The following STARD9 variants were observed in gnomAD, a reference collection of about 807,000 sequenced individuals.
STARD9 encodes the protein stAR-related lipid transfer protein 9.
A neutral mutation model predicts 399.8 loss-of-function variants in STARD9; 346 were observed. That is an observed-to-expected ratio of 0.87 (90% CI 0.79 to 0.95). STARD9 has a LOEUF of 0.95. STARD9 is among the 40% of genes least tolerant of loss of function. The pLI is 0.00. For missense variants in STARD9, 5,832 were observed against 5,667.5 expected, an observed-to-expected ratio of 1.03 and a Z score of -0.93; for synonymous variants, 2,203 against 2,143.5, an observed-to-expected ratio of 1.03 and a Z score of -0.77.
chr15:42,711,042 A>T (rs548964514), intron 26 of STARD9, among the ~76,000 whole-genome samples: 21 of 151,154 alleles, frequency 1.4e-4, no homozygotes, highest in African/African-American at 4.9e-4. Context: ...CTGTGGTGCA[A>T]TCACAGCTCA....
Position 42,717,089 on chromosome 15 carries a change from C to T in STARD9, c.13494+41C>T. The T allele has an allele frequency of 2.6e-6, 4 of 1,535,076 alleles. No individual in the cohort carries two copies. The South Asian group carries it at 4.8e-5, about 18-fold the overall frequency. On this transcript the variant is annotated intron_variant, in intron 28 of 32. Coordinates refer to ENST00000290607, the MANE Select transcript of STARD9 (RefSeq NM_020759.3). ...CACCCATCCCTACCATTCCTTTACC[C>T]AGACCTCTGCTGGGTGTGCAGGAAG...
intron 26 of STARD9, among the ~76,000 whole-genome samples, chr15:42,714,058 A>AT (rs35057586): frequency 0.024 from 2,806 of 119,118 alleles, 78 homozygotes; most frequent in South Asian, 0.034. Context: ...ATGCACTAAG[A>AT]TTTTTTTTTT....
At chr15:42,719,202 G>T (rs370834165) in intron 32 of STARD9, among the ~76,000 whole-genome samples, 1 of 152,220 alleles carries the variant, frequency 6.6e-6, no homozygotes, top group Admixed American at 6.5e-5. Context: ...ATGAGTCATT[G>T]TGAGGCAAAA....
chr15:42,692,318 C>A lies in STARD9; in HGVS notation c.10740C>A (p.Pro3580=), dbSNP rs1325842087. ...CGACGAGCCCTGAAGGAGTAGCCCC[C>A]ACTTCGGGTCATGACAGAAGGCCTC... is the stretch of plus-strand genomic sequence containing the variant. The part of the protein sequence containing the change: ...HIPTSPEGVA[P]TSGHDRRPQF... The change falls in exon 23 of 33, where the codon CCC becomes CCA. Residue 3580 remains proline (P), a synonymous_variant. Transcript: ENST00000290607. 3 of 1,537,062 alleles carry A rather than the reference C, an allele frequency of 2.0e-6. No homozygotes were observed. Among genetic ancestry groups the A allele is most frequent in the East Asian group, 4.9e-5 (2 of 40,920 alleles).
Position 42,685,054 on chromosome 15 carries a change from C to T in STARD9, c.3476C>T (p.Pro1159Leu). ...CTGGCTGAGAAGAGGTACCAAAGCCCCAAAAACAGGCTAGGGGGCAATCGT... is the reference window on the plus strand; with the variant it reads ...CTGGCTGAGAAGAGGTACCAAAGCCTCAAAAACAGGCTAGGGGGCAATCGT... ...DSLAEKRYQS[P>L]KNRLGGNRPT... The change falls in exon 23 of 33, where the codon CCC (proline) becomes CTC (leucine). Residue 1159 changes from proline to leucine, a missense_variant. This residue lies in a region of STARD9 where 5,828 missense variants were observed against 5,651.1 expected (regional missense o/e 1.03). Coordinates refer to ENST00000290607, the MANE Select transcript of STARD9 (RefSeq NM_020759.3). 2 of 1,537,144 alleles carry T rather than the reference C, an allele frequency of 1.3e-6. No homozygotes were observed. Among genetic ancestry groups the T allele is most frequent in the Non-Finnish European group, 1.7e-6 (2 of 1,146,934 alleles).
chr15:42,693,650 C>T lies in STARD9; in HGVS notation c.12072C>T (p.Ser4024=), dbSNP rs774287605. ...TGCCACCACCACTGAGGCACAGGAG[C>T]CAAAGGCTGGGCAACAGCTTTGTGC... ...RLLPPPLRHR[S]QRLGNSFVPE... Residue 4024 remains serine (S), a synonymous_variant, in exon 23 of 33, where the codon AGC becomes AGT. Transcript: ENST00000290607. 2.3e-5 allele frequency: 36 copies of T among 1,537,154 alleles called. No individual in the cohort carries two copies. The highest frequency in any genetic ancestry group is 2.9e-5 in the Non-Finnish European group (33 of 1,146,922).
intron 26 of STARD9, among the ~76,000 whole-genome samples, chr15:42,710,338 G>A (rs12905592): frequency 0.39 from 58,978 of 151,886 alleles, 17,525 homozygotes; most frequent in African/African-American, 0.83. Flanking sequence ...GTTGGAATAC[G>A]GACGTGAGCC....
chr15:42,584,797 G>A (rs1308846564), intron 2 of STARD9, among the ~76,000 whole-genome samples: 1 of 152,194 alleles, frequency 6.6e-6, no homozygotes, highest in Admixed American at 6.5e-5. Flanking sequence ...GATGAAGCCT[G>A]TCAGGCACCA....
chr15:42,667,722 G>T (rs760315506), intron 15 of STARD9, among the ~76,000 whole-genome samples: 1 of 145,686 alleles, frequency 6.9e-6, no homozygotes, highest in East Asian at 2.1e-4. Context: ...CAGGTGATCC[G>T]CTTACCTCAG....
At chr15:42,694,503 T>C (rs1384263175) in intron 23 of STARD9, 25 bp from the exon 24 acceptor site, 1 of 1,536,450 alleles carries the variant, frequency 6.5e-7, no homozygotes, top group Non-Finnish European at 8.7e-7. Flanking sequence ...CAGGGCCAGC[T>C]TCAGCGAATC....
At chr15:42,621,198 C>A (rs1008954700) in intron 3 of STARD9, among the ~76,000 whole-genome samples, 23 of 152,022 alleles carry the variant, frequency 1.5e-4, no homozygotes, top group Non-Finnish European at 2.9e-5. Flanking sequence ...GTTACTCTTT[C>A]TCTTCTTTGT....
At position 42,581,577 on chromosome 15, in the gene STARD9, C is replaced by T. The variant is rs565032922; in HGVS notation, c.48-1769C>T. 8.8e-5 allele frequency: 77 copies of T among 877,240 alleles called. No individual in the cohort carries two copies. The Admixed American group carries it at 1.4e-3, about 15-fold the overall frequency. 54.3% of individuals were successfully genotyped at this position (877,240 alleles called of 1,614,324 possible). A position where few individuals can be genotyped will look rare whatever the true frequency, so the allele number is the denominator to read the frequency against. On this transcript the variant is annotated intron_variant, in intron 1 of 32. Coordinates refer to ENST00000290607, the MANE Select transcript of STARD9 (RefSeq NM_020759.3). The stretch of plus-strand genomic sequence containing the variant: ...CCAGCTCCTAGGGCGGGTGGAAAAG[C>T]GAGCTCTGCGCACTCCTCGCTCGCT...
chr15:42,622,500 T>G (rs1209891733), intron 3 of STARD9, among the ~76,000 whole-genome samples: 1 of 152,120 alleles, frequency 6.6e-6, no homozygotes, highest in Non-Finnish European at 1.5e-5. Context: ...CTTGATTAGC[T>G]GGGACTTCAG....
chr15:42,593,928 A>G (rs2058453687), intron 3 of STARD9, among the ~76,000 whole-genome samples: 1 of 151,700 alleles, frequency 6.6e-6, no homozygotes, highest in African/African-American at 2.4e-5. Context: ...TCGGCCTCCC[A>G]AAGTTCTGGG....
intron 3 of STARD9, among the ~76,000 whole-genome samples, chr15:42,632,320 G>A (rs939310112): frequency 4.6e-5 from 7 of 152,128 alleles, no homozygotes; most frequent in African/African-American, 1.7e-4. Context: ...CAGTGTATAT[G>A]TGTCTTTATA....
At chr15:42,644,229 C>G (rs529614082) in intron 7 of STARD9, among the ~76,000 whole-genome samples, 2 of 152,246 alleles carry the variant, frequency 1.3e-5, no homozygotes, top group African/African-American at 4.8e-5. Flanking sequence ...CATGGCGGCT[C>G]ACGCCTGTAA....
chr15:42,622,669 T>C (rs373187440), intron 3 of STARD9, among the ~76,000 whole-genome samples: 6 of 152,318 alleles, frequency 3.9e-5, no homozygotes, highest in African/African-American at 1.4e-4. Context: ...GGGAGATCTT[T>C]AGTTGTAACT....
At chr15:42,656,464 T>G (rs989961092) in intron 9 of STARD9, among the ~76,000 whole-genome samples, 1 of 150,368 alleles carries the variant, frequency 6.7e-6, no homozygotes, top group Non-Finnish European at 1.5e-5. Context: ...TGGAGATTCC[T>G]TAAAGAACTA....
At chr15:42,701,858 G>A (rs183318660) in intron 26 of STARD9, among the ~76,000 whole-genome samples, 23 of 152,018 alleles carry the variant, frequency 1.5e-4, no homozygotes, top group Admixed American at 1.4e-3. Context: ...GCCAGGCGTG[G>A]CAGCATGCAC....
Sources: gnomAD v4.1 joint callset for allele counts (sites outside exome capture counted in the v4.1 genomes callset) on GRCh38, gnomAD v4.1.1 for gene constraint, gnomAD v4.1.1 regional missense constraint, MANE v1.5 for transcripts, NCBI Gene and HGNC (gene_info 2026-07-23, HGNC 2026-07-21) for gene names.